Variants in VNN2 observed in about 807,000 individuals in gnomAD.
VNN2 encodes the protein pantetheine hydrolase VNN2.
A neutral mutation model predicts 43.0 loss-of-function variants in VNN2; 43 were observed. The ratio of observed to expected loss-of-function variants is 1.00; its 90% CI spans 0.78 to 1.29. The LOEUF (loss-of-function observed/expected upper bound fraction) is 1.29, where lower values mean the gene tolerates loss of function less well. VNN2 is among the 50% of genes most tolerant of loss of function. The pLI is 0.00. For synonymous variants in VNN2, 230 were observed against 224.3 expected (o/e 1.03, Z -0.23); for missense variants, 652 against 619.7 (o/e 1.05, Z -0.55).
At chr6:132,745,314 C>T (rs1024810067) in intron 6 of VNN2, among the ~76,000 whole-genome samples, 1 of 152,176 alleles carries the variant, frequency 6.6e-6, no homozygotes, top group Non-Finnish European at 1.5e-5. Context: ...CTGCTGGGTT[C>T]AAGTGATTCT....
At position 132,752,737 on chromosome 6, in the gene VNN2, A is replaced by C. The variant is rs548159207; in HGVS notation, c.550T>G (p.Ser184Ala). The change falls in exon 4 of 7, where the codon TCT becomes GCT. Residue 184 changes from serine (S) to alanine (A), a missense_variant. Ser to Ala is a moderately conservative substitution (Grantham distance 99). Coordinates refer to ENST00000326499, the MANE Select transcript of VNN2 (RefSeq NM_004665.6). Reference sequence around the variant, plus strand: ...TCAGGGACATTAAACTGAGGCTCAGAGTACAGGTGGTACTACAACAAATGG... The same window carrying C: ...TCAGGGACATTAAACTGAGGCTCAGCGTACAGGTGGTACTACAACAAATGG... ...VARYHKYHLYSEPQFNVPEKP... is the reference protein window; with the variant it reads ...VARYHKYHLYAEPQFNVPEKP... 1 of 1,613,598 alleles carries C rather than the reference A, an allele frequency of 6.2e-7. No individual in the cohort carries two copies. The highest frequency in any genetic ancestry group is 1.3e-5 in the African/African-American group (1 of 74,902).
chr6:132,756,094 A>G, intron 2 of VNN2, 59 bp from the exon 3 acceptor site: 1 of 1,431,000 alleles, frequency 7.0e-7, no homozygotes, highest in Non-Finnish European at 9.3e-7. Context: ...GTCACTTTAT[A>G]TGGAAACGAT....
Position 132,751,011 on chromosome 6 carries a change from T to G in VNN2, c.1200+134A>C, listed in dbSNP as rs186570274. ...ATAAATGCACGTGTGTGTGTGTGTG[T>G]TGTGTGTGTGTGTGTTGCCATCAAT... is the stretch of plus-strand genomic sequence containing the variant. On this transcript the variant is annotated intron_variant, in intron 5 of 6. Transcript: ENST00000326499. The G allele has an allele frequency of 1.9e-4, 178 of 935,750 alleles. No individual in the cohort carries two copies. The East Asian group carries it at 4.3e-3, about 23-fold the overall frequency. 58.0% of individuals were successfully genotyped at this position (935,750 alleles called of 1,614,324 possible). A position where few individuals can be genotyped will look rare whatever the true frequency, so the allele number is the denominator to read the frequency against.
upstream of VNN2, among the ~76,000 whole-genome samples, chr6:132,758,537 ATAAC>A (rs1562254674): frequency 6.6e-6 from 1 of 152,190 alleles, no homozygotes; most frequent in East Asian, 1.9e-4. Flanking sequence ...ATAGAAACTC[ATAAC>A]TAACTCTCGT....
At chr6:132,756,185 G>T in intron 2 of VNN2, 150 bp from the exon 3 acceptor site, 2 of 744,136 alleles carry the variant, frequency 2.7e-6, no homozygotes, top group African/African-American at 1.8e-5. Flanking sequence ...AGCCACAGAT[G>T]ATTATACACT....
At chr6:132,746,981 C>G (rs1321224397) in intron 6 of VNN2, among the ~76,000 whole-genome samples, 1 of 152,162 alleles carries the variant, frequency 6.6e-6, no homozygotes, top group Non-Finnish European at 1.5e-5. Context: ...ATTCCAAAGA[C>G]CCTCCCTGCC....
At chr6:132,759,818 C>T (rs1562255795), upstream of VNN2, among the ~76,000 whole-genome samples, 1 of 151,882 alleles carries the variant, frequency 6.6e-6, no homozygotes, top group African/African-American at 2.4e-5. Context: ...ATGGTCAAGC[C>T]CTTTTGTGGA....
chr6:132,751,599 G>T, intron 4 of VNN2, 81 bp from the exon 5 acceptor site: 1 of 1,506,880 alleles, frequency 6.6e-7, no homozygotes, highest in Non-Finnish European at 8.9e-7. Context: ...TCAGAATTGG[G>T]CATGTGATCA....
chr6:132,750,839 C>CTTGA (rs1780027579), intron 5 of VNN2, among the ~76,000 whole-genome samples: 1 of 152,118 alleles, frequency 6.6e-6, no homozygotes, highest in African/African-American at 2.4e-5. Context: ...AGGAAGTCTT[C>CTTGA]TTGATGTTCT....
rs780792246 is a variant in VNN2, at chr6:132,752,779, A to G, written c.538-30T>C. The stretch of plus-strand genomic sequence containing the variant: ...AACAAATGGATAGGAGAAAACCAGT[A>G]AAACCTTATTTGTTGAAGAAATGAC... On this transcript the variant is annotated intron_variant, in intron 3 of 6. Coordinates refer to ENST00000326499, the MANE Select transcript of VNN2 (RefSeq NM_004665.6). 33 of 1,581,854 alleles carry G rather than the reference A, an allele frequency of 2.1e-5. No homozygotes were observed. The South Asian group carries it at 3.6e-4, about 17-fold the overall frequency.
At chr6:132,753,638 A>T in intron 3 of VNN2, 1 of 288,400 alleles carries the variant, frequency 3.5e-6, no homozygotes, top group Non-Finnish European at 6.9e-6. Flanking sequence ...TAGAAAAGAA[A>T]TTGGGCTTTA....
chr6:132,758,009 C>CTTCTTCTTCTTTTTTTTTTTT, upstream of VNN2: 2 of 151,548 alleles, frequency 1.3e-5, no homozygotes, highest in African/African-American at 2.9e-4. Context: ...TTTTCTTCTT[C>CTTCTTCTTCTTTTTTTTTTTT]TTCTTCTTCT....
chr6:132,758,307 T>A (rs1780626340), upstream of VNN2, among the ~76,000 whole-genome samples: 1 of 152,120 alleles, frequency 6.6e-6, no homozygotes, highest in Admixed American at 6.6e-5. Context: ...CCTCTCAAAG[T>A]GCTGGGATTA....
At chr6:132,750,998 G>T in intron 5 of VNN2, 147 bp downstream of exon 5, 1 of 918,888 alleles carries the variant, frequency 1.1e-6, no homozygotes, top group Non-Finnish European at 1.6e-6. Flanking sequence ...AAATGCACGT[G>T]TGTGTGTGTG....
At position 132,751,155 on chromosome 6, in the gene VNN2, TCTCTTCTCCTTCGGCCATGTA is replaced by T; in HGVS notation, c.1169_1189del (p.Leu390_Glu397delinsTer). 6.3e-7 allele frequency: 1 copy of T among 1,592,842 alleles called. No individual in the cohort carries two copies. The highest frequency in any genetic ancestry group is 8.5e-7 in the Non-Finnish European group (1 of 1,169,740). Reference sequence around the variant, plus strand: ...TTGAACTGAAATTACCTGCCAGTACTCTCTTCTCCTTCGGCCATGTAATCCTGTAAAAGCTCCTAGAACGTA... The same window carrying T: ...TTGAACTGAAATTACCTGCCAGTACTATCCTGTAAAAGCTCCTAGAACGTA... On this transcript the variant is annotated stop_gained and inframe_deletion, in exon 5 of 7. Transcript: ENST00000326499. LOFTEE classifies it high-confidence loss of function.
chr6:132,748,075 T>C lies in VNN2; in HGVS notation c.1371+1620A>G, dbSNP rs1328098564. On this transcript the variant is annotated intron_variant, in intron 6 of 6. Coordinates refer to ENST00000326499, the MANE Select transcript of VNN2 (RefSeq NM_004665.6). ...CGAGAAAATTAGATTGTGTGCTCAG[T>C]TTAAATCTTCAGGCTTACAGAATAT... Among the ~76,000 whole-genome samples, 7 of 152,230 alleles carry C rather than the reference T, an allele frequency of 4.6e-5. No homozygotes were observed. In the East Asian group the frequency reaches 1.3e-3, roughly 29 times the overall value.
At chr6:132,753,316 C>A in intron 3 of VNN2, 1 of 317,026 alleles carries the variant, frequency 3.2e-6, no homozygotes, top group Non-Finnish European at 6.3e-6. Flanking sequence ...TGAACCACAG[C>A]ACCTGGCCCT....
chr6:132,747,376 G>T (rs1004583139), intron 6 of VNN2, among the ~76,000 whole-genome samples: 2 of 152,104 alleles, frequency 1.3e-5, no homozygotes, highest in Non-Finnish European at 2.9e-5. Flanking sequence ...CCAGAACTTT[G>T]GGAGGTCGAG....
At chr6:132,744,896 C>G (rs1422442063) in intron 6 of VNN2, among the ~76,000 whole-genome samples, 1 of 151,700 alleles carries the variant, frequency 6.6e-6, no homozygotes, top group East Asian at 1.9e-4. Flanking sequence ...GAGAAGAGAA[C>G]AGGTAAGTGC....
Sources: gnomAD v4.1 joint callset for allele counts (sites outside exome capture counted in the v4.1 genomes callset) on GRCh38, gnomAD v4.1.1 for gene constraint, MANE v1.5 for transcripts, NCBI Gene and HGNC (gene_info 2026-07-23, HGNC 2026-07-21) for gene names.